DNAAF9: variants seen among roughly 807,000 people sequenced by gnomAD.
The protein encoded by DNAAF9 is shulin.
Under a neutral mutation model 167.0 loss-of-function variants are expected in DNAAF9, and 90 were observed. That is an observed-to-expected ratio of 0.54 (90% CI 0.45 to 0.64). The LOEUF is 0.64. Among genes scored for constraint, DNAAF9 ranks in the 30% least tolerant of loss-of-function variants. DNAAF9 has a pLI of 0.00. For synonymous variants in DNAAF9, 491 were observed against 508.8 expected, an observed-to-expected ratio of 0.96 and a Z score of 0.47; for missense variants, 1,315 against 1,442.2, an observed-to-expected ratio of 0.91 and a Z score of 1.43.
chr20:3,363,405 G>A (rs553656095), intron 6 of DNAAF9, among the ~76,000 whole-genome samples: 3 of 151,280 alleles, frequency 2.0e-5, no homozygotes, highest in African/African-American at 7.3e-5. Context: ...CAGAGGTTGC[G>A]GTGAGCCGAG....
chr20:3,391,783 T>A (rs931279171), intron 1 of DNAAF9, among the ~76,000 whole-genome samples: 2 of 152,060 alleles, frequency 1.3e-5, no homozygotes, highest in Non-Finnish European at 2.9e-5. Context: ...TTCTCCATGT[T>A]GGCCAGGCTG....
chr20:3,286,581 G>GT (rs1236102244), intron 27 of DNAAF9, among the ~76,000 whole-genome samples: 16 of 152,250 alleles, frequency 1.1e-4, no homozygotes, highest in Middle Eastern at 3.4e-3. Context: ...TCTTCCTCTG[G>GT]TTTCTAGGAC....
At chr20:3,334,985 C>T (rs1456602218) in intron 10 of DNAAF9, among the ~76,000 whole-genome samples, 1 of 152,200 alleles carries the variant, frequency 6.6e-6, no homozygotes, top group Admixed American at 6.5e-5. Context: ...AGACATTCAA[C>T]AAGGATTACT....
chr20:3,396,660 G>A (rs1470285167), intron 1 of DNAAF9, among the ~76,000 whole-genome samples: 1 of 152,156 alleles, frequency 6.6e-6, no homozygotes, highest in Non-Finnish European at 1.5e-5. Context: ...AAGGAAGTGA[G>A]AGCACAAGCT....
intron 21 of DNAAF9, among the ~76,000 whole-genome samples, chr20:3,300,655 G>A (rs2069168048): frequency 6.8e-6 from 1 of 147,156 alleles, no homozygotes; most frequent in Non-Finnish European, 1.5e-5. Context: ...CTCCAGCCTG[G>A]GTGACAGAGC....
At chr20:3,341,848 G>A (rs2070092524) in intron 9 of DNAAF9, among the ~76,000 whole-genome samples, 1 of 152,044 alleles carries the variant, frequency 6.6e-6, no homozygotes, top group Non-Finnish European at 1.5e-5. Flanking sequence ...CGCGATCTCG[G>A]CTCACTGCAA....
intron 6 of DNAAF9, among the ~76,000 whole-genome samples, chr20:3,371,443 C>A (rs901870467): frequency 7.3e-5 from 11 of 150,474 alleles, no homozygotes; most frequent in African/African-American, 1.9e-4. Context: ...TCCCGGGTTC[C>A]CGCCATTCTC....
intron 6 of DNAAF9, chr20:3,361,782 T>C: frequency 9.0e-7 from 1 of 1,110,476 alleles, no homozygotes; most frequent in Non-Finnish European, 1.3e-6. Flanking sequence ...TACTCTGAGG[T>C]CTACAAGACA....
intron 1 of DNAAF9, among the ~76,000 whole-genome samples, chr20:3,395,406 G>A (rs981996342): frequency 1.5e-4 from 23 of 151,688 alleles, no homozygotes; most frequent in Admixed American, 1.4e-3. Context: ...TCAGCTTCCC[G>A]AGTAGCTGTG....
intron 30 of DNAAF9, among the ~76,000 whole-genome samples, chr20:3,265,674 C>CTTT (rs1255778177): frequency 7.3e-6 from 1 of 137,154 alleles, no homozygotes; most frequent in African/African-American, 2.7e-5. Flanking sequence ...AGATACATTC[C>CTTT]TTTTTTTTTT....
chr20:3,390,371 CT>C (rs34917762), intron 1 of DNAAF9, among the ~76,000 whole-genome samples: 6,575 of 141,018 alleles, frequency 0.047, 205 homozygotes, highest in African/African-American at 0.11. Flanking sequence ...TATTCTCTCA[CT>C]TTTTTTTTTT....
chr20:3,348,140 C>T (rs957994702), intron 8 of DNAAF9, among the ~76,000 whole-genome samples: 2 of 152,120 alleles, frequency 1.3e-5, no homozygotes, highest in African/African-American at 4.8e-5. Context: ...TTCAGGTTTA[C>T]TCATGAGCCT....
intron 3 of DNAAF9, 32 bp from the exon 4 acceptor site, chr20:3,376,334 T>G (rs748052955): frequency 1.3e-6 from 2 of 1,546,520 alleles, no homozygotes; most frequent in South Asian, 1.2e-5. Flanking sequence ...AACACAAGAC[T>G]GTCAAACACA....
chr20:3,259,002 C>G (rs117093011), intron 33 of DNAAF9, among the ~76,000 whole-genome samples: 1 of 152,214 alleles, frequency 6.6e-6, no homozygotes, highest in Non-Finnish European at 1.5e-5. Context: ...CTGATGCCCA[C>G]TCCAGGACAG....
chr20:3,387,884 TAAAAA>T lies in DNAAF9; in HGVS notation c.84-5383_84-5379del, dbSNP rs557861791. Among the ~76,000 whole-genome samples the T allele has an allele frequency of 2.4e-3, 214 of 87,354 alleles. 1 individual carries two copies. The highest frequency in any genetic ancestry group is 9.6e-3 in the African/African-American group (200 of 20,774). The allele number at this position is 87,354 out of a possible 152,430, so 57.3% of individuals were successfully genotyped here. A position where few individuals can be genotyped will look rare whatever the true frequency, so the allele number is the denominator to read the frequency against. ...AGGGAGACCCTGTCTCTACAAAAAG[TAAAAA>T]AAAAAAAAAAAAAAAAAAAAAAAAA... On this transcript the variant is annotated intron_variant, in intron 1 of 36. Transcript: ENST00000252032.
rs2122951054 is a variant in DNAAF9 at position 3,296,941 on chromosome 20, G to A, written c.1938C>T (p.Ser646=). The change falls in exon 23 of 37, where the codon TCC becomes TCT. Residue 646 remains serine, a synonymous_variant. Transcript: ENST00000252032. The stretch of plus-strand genomic sequence containing the variant: ...CTGAGTTATCCTGCTGTTTCCAGAG[G>A]GAGAAGACCTAAACAAAACAGAATT... ...IYQAFYSEVF[S]LWKQQDNSGI... is the part of the protein sequence containing the mutation. 6.2e-7 allele frequency: 1 copy of A among 1,600,870 alleles called. No homozygotes were observed. Among genetic ancestry groups the A allele is most frequent in the East Asian group, 2.2e-5 (1 of 44,828 alleles).
intron 1 of DNAAF9, among the ~76,000 whole-genome samples, chr20:3,388,901 A>G (rs2083786990): frequency 6.6e-6 from 1 of 152,190 alleles, no homozygotes; most frequent in African/African-American, 2.4e-5. Context: ...GAATGTCCTT[A>G]GTGCCACAGA....
At chr20:3,264,628 G>T in intron 30 of DNAAF9, 104 bp from the exon 31 acceptor site, 2 of 702,028 alleles carry the variant, frequency 2.8e-6, no homozygotes, top group South Asian at 1.6e-5. Context: ...GGAGTGCAGT[G>T]GTGCAATCTT....
At chr20:3,322,343 T>A in intron 15 of DNAAF9, 81 bp from the exon 16 acceptor site, 1 of 1,113,414 alleles carries the variant, frequency 9.0e-7, no homozygotes, top group Non-Finnish European at 1.4e-6. Flanking sequence ...TTTTTCAACT[T>A]GGCAATGACA....
Sources: gnomAD v4.1 joint callset for allele counts (sites outside exome capture counted in the v4.1 genomes callset) on GRCh38, gnomAD v4.1.1 for gene constraint, MANE v1.5 for transcripts, NCBI Gene and HGNC (gene_info 2026-07-23, HGNC 2026-07-21) for gene names.